PTPRD: variants seen among roughly 807,000 people sequenced by gnomAD.
PTPRD encodes receptor-type tyrosine-protein phosphatase delta.
Under a neutral mutation model 214.5 loss-of-function variants are expected in PTPRD, and 34 were observed. The ratio of observed to expected loss-of-function variants is 0.16; its 90% CI spans 0.12 to 0.21. The LOEUF (loss-of-function observed/expected upper bound fraction) is 0.21, where lower values mean the gene tolerates loss of function less well. Among genes scored for constraint, PTPRD ranks in the 10% least tolerant of loss-of-function variants. PTPRD has a pLI of 1.00. For missense variants in PTPRD, 2,545 were observed against 2,398.7 expected (o/e 1.06, Z -1.27); for synonymous variants, 1,128 against 845.7 (o/e 1.33, Z -5.79).
chr9:8,478,070 T>C (rs2096801501), intron 30 of PTPRD, among the ~76,000 whole-genome samples: 1 of 152,206 alleles, frequency 6.6e-6, no homozygotes. Flanking sequence ...GTATTAACCA[T>C]TACTAGTATT....
At chr9:9,067,486 C>T (rs1321948964) in intron 10 of PTPRD, among the ~76,000 whole-genome samples, 7 of 152,110 alleles carry the variant, frequency 4.6e-5, no homozygotes, top group Admixed American at 4.6e-4. Context: ...ATTGTGAGCT[C>T]TATTCAAGTG....
At chr9:10,136,468 G>C (rs116372586) in intron 3 of PTPRD, among the ~76,000 whole-genome samples, 2 of 152,014 alleles carry the variant, frequency 1.3e-5, no homozygotes, top group Non-Finnish European at 2.9e-5. Context: ...TCTAAGATCA[G>C]TCACAGGCTT....
chr9:10,152,384 G>C (rs1164212486), intron 3 of PTPRD, among the ~76,000 whole-genome samples: 1 of 151,638 alleles, frequency 6.6e-6, no homozygotes, highest in East Asian at 1.9e-4. Flanking sequence ...TTATTGTTTT[G>C]AGAGTTCTTC....
At chr9:9,128,447 C>A (rs954012018) in intron 10 of PTPRD, among the ~76,000 whole-genome samples, 1 of 152,116 alleles carries the variant, frequency 6.6e-6, no homozygotes, top group Non-Finnish European at 1.5e-5. Context: ...GCATACTATA[C>A]AAAACATATA....
intron 5 of PTPRD, among the ~76,000 whole-genome samples, chr9:9,805,345 T>C (rs1410756584): frequency 6.6e-6 from 1 of 152,150 alleles, no homozygotes; most frequent in Non-Finnish European, 1.5e-5. Context: ...GATATTGTTA[T>C]TAATGAGAGA....
intron 9 of PTPRD, among the ~76,000 whole-genome samples, chr9:9,268,416 T>C (rs569528104): frequency 1.6e-3 from 240 of 151,234 alleles, no homozygotes; most frequent in African/African-American, 5.3e-3. Context: ...AAAAAAATCA[T>C]TATTGTCAAA....
intron 9 of PTPRD, among the ~76,000 whole-genome samples, chr9:9,286,117 G>A (rs966406395): frequency 6.6e-6 from 1 of 151,612 alleles, no homozygotes; most frequent in Non-Finnish European, 1.5e-5. Context: ...TGACAACCCG[G>A]ATATTCTATC....
At chr9:9,608,436 A>C (rs150679030) in intron 7 of PTPRD, among the ~76,000 whole-genome samples, 50 of 152,268 alleles carry the variant, frequency 3.3e-4, no homozygotes, top group African/African-American at 1.1e-3. Context: ...TATTCTTAAA[A>C]AGCTGAGTGA....
In PTPRD at chr9:8,315,544, G is replaced by A. The variant is rs908159590; in HGVS notation, c.*2330C>T. The A allele has an allele frequency of 1.7e-5, 4 of 231,314 alleles. No individual in the cohort carries two copies. Among genetic ancestry groups the A allele is most frequent in the Non-Finnish European group, 3.4e-5 (4 of 116,608 alleles). The allele number at this position is 231,314 out of a possible 1,614,324, so 14.3% of individuals were successfully genotyped here. On this transcript the variant is annotated 3_prime_UTR_variant, in exon 46 of 46. Transcript: ENST00000381196. Reference sequence around the variant, plus strand: ...AAACTAAAAGAAAATAATGATAACAGACCCACATAGTGCACATTCTTCTCT... The same window carrying A: ...AAACTAAAAGAAAATAATGATAACAAACCCACATAGTGCACATTCTTCTCT...
chr9:8,804,864 T>G (rs141424599), intron 11 of PTPRD, among the ~76,000 whole-genome samples: 201 of 152,284 alleles, frequency 1.3e-3, no homozygotes, highest in African/African-American at 4.6e-3. Context: ...AAATAGCTTG[T>G]GTTGACTAAT....
chr9:9,059,631 G>C (rs1590785791), intron 10 of PTPRD, among the ~76,000 whole-genome samples: 1 of 151,866 alleles, frequency 6.6e-6, no homozygotes, highest in African/African-American at 2.4e-5. Flanking sequence ...GTAAAAGTTA[G>C]AAATTAATGA....
At chr9:8,684,543 G>A (rs1318208944) in intron 12 of PTPRD, among the ~76,000 whole-genome samples, 1 of 151,996 alleles carries the variant, frequency 6.6e-6, no homozygotes, top group Non-Finnish European at 1.5e-5. Flanking sequence ...TTATAGTACT[G>A]GGCTCAGTAA....
At position 9,646,628 on chromosome 9, in the gene PTPRD, C is replaced by T. The variant is rs2096188383; in HGVS notation, c.-286-71847G>A. Among the ~76,000 whole-genome samples the T allele has an allele frequency of 2.0e-5, 3 of 152,134 alleles. No individual in the cohort carries two copies. The East Asian group carries it at 5.8e-4, about 29-fold the overall frequency. On this transcript the variant is annotated intron_variant, in intron 7 of 45. Coordinates refer to ENST00000381196, the MANE Select transcript of PTPRD (RefSeq NM_002839.4). Reference sequence around the variant, plus strand: ...TCTAGTTGAATATGCCTTCTTCCTCCTCTTTATACTATCCTATAAAAAATA... The same window carrying T: ...TCTAGTTGAATATGCCTTCTTCCTCTTCTTTATACTATCCTATAAAAAATA...
At chr9:9,410,560 CA>C (rs2075069441) in intron 8 of PTPRD, among the ~76,000 whole-genome samples, 1 of 152,024 alleles carries the variant, frequency 6.6e-6, no homozygotes, top group Non-Finnish European at 1.5e-5. Context: ...CCAGAGTAGC[CA>C]GAACCCGACT....
At chr9:9,574,535 A>G (rs939548818) in intron 8 of PTPRD, among the ~76,000 whole-genome samples, 197 bp downstream of exon 8, 15 of 152,046 alleles carry the variant, frequency 9.9e-5, no homozygotes, top group African/African-American at 3.6e-4. Context: ...ATCAAAGACT[A>G]TATCAAATAA....
chr9:8,986,868 C>G (rs894750123), intron 11 of PTPRD, among the ~76,000 whole-genome samples: 1 of 151,934 alleles, frequency 6.6e-6, no homozygotes, highest in South Asian at 2.1e-4. Context: ...TTTCAGTCAT[C>G]ATTATTTGGT....
chr9:10,171,002 A>G (rs1177593535), intron 3 of PTPRD, among the ~76,000 whole-genome samples: 1 of 152,202 alleles, frequency 6.6e-6, no homozygotes, highest in Non-Finnish European at 1.5e-5. Context: ...TCTGCAGTCT[A>G]GCACCATTAC....
intron 36 of PTPRD, among the ~76,000 whole-genome samples, chr9:8,403,381 T>C (rs10977052): frequency 0.18 from 26,989 of 152,228 alleles, 2,807 homozygotes; most frequent in Non-Finnish European, 0.24. Context: ...GAAGAGGCCA[T>C]AAAACTCTTC....
chr9:10,516,424 G>C lies in PTPRD; in HGVS notation c.-600+95974C>G, dbSNP rs558548381. ...AGCTCATTTTTTAATGAGGTTATTA[G>C]ATTTTTGGAAATGAGCTGTAGGAGT... is the stretch of plus-strand genomic sequence containing the variant. On this transcript the variant is annotated intron_variant, in intron 2 of 45. Coordinates refer to ENST00000381196, the MANE Select transcript of PTPRD (RefSeq NM_002839.4). Among the ~76,000 whole-genome samples the C allele has an allele frequency of 5.3e-5, 8 of 151,814 alleles. No homozygotes were observed. In the South Asian group the frequency reaches 1.7e-3, roughly 32 times the overall value.
Sources: allele counts gnomAD v4.1 joint callset (sites outside exome capture counted in the v4.1 genomes callset), GRCh38; gene constraint gnomAD v4.1.1; transcripts MANE v1.5; gene names NCBI Gene and HGNC (gene_info 2026-07-23, HGNC 2026-07-21).